COX7B2: variants seen among roughly 807,000 people sequenced by gnomAD.
COX7B2 encodes cytochrome c oxidase subunit 7B2, also known as cytochrome c oxidase subunit 7B2, mitochondrial.
For missense variants in COX7B2, 109 were observed against 95.9 expected, an observed-to-expected ratio of 1.14 and a Z score of -0.57; for synonymous variants, 37 against 32.1, an observed-to-expected ratio of 1.15 and a Z score of -0.51.
chr4:46,794,770 A>C (rs559929673), intron 2 of COX7B2, among the ~76,000 whole-genome samples: 4 of 152,308 alleles, frequency 2.6e-5, no homozygotes, highest in African/African-American at 9.6e-5. Context: ...ACACAGACTT[A>C]TGGTGTTGGC....
At chr4:46,808,184 C>T (rs984659730) in intron 2 of COX7B2, among the ~76,000 whole-genome samples, 1 of 151,722 alleles carries the variant, frequency 6.6e-6, no homozygotes, top group Non-Finnish European at 1.5e-5. Flanking sequence ...TTATTTGTGT[C>T]TTTTCAATCT....
chr4:46,848,932 G>A (rs1716477798), intron 1 of COX7B2, among the ~76,000 whole-genome samples: 1 of 151,860 alleles, frequency 6.6e-6, no homozygotes, highest in African/African-American at 2.4e-5. Context: ...ACATGCTCCT[G>A]TATACTTTAA....
Position 46,858,533 on chromosome 4 carries a change from A to G in COX7B2, c.-104-13519T>C, listed in dbSNP as rs1312783770. 5.3e-5 allele frequency among the ~76,000 whole-genome samples: 8 copies of G among 152,360 alleles called. No individual in the cohort carries two copies. The East Asian group carries it at 1.5e-3, about 29-fold the overall frequency. ...AGGAAAAAAAAAGAGGAGGAAAGATATAATTCTAGAGCTTTAAAATGCTGC... is the reference window on the plus strand; with the variant it reads ...AGGAAAAAAAAAGAGGAGGAAAGATGTAATTCTAGAGCTTTAAAATGCTGC... On this transcript the variant is annotated intron_variant, in intron 1 of 2. Transcript: ENST00000355591.
rs540869012 is a variant in COX7B2 at position 46,803,609 on chromosome 4, T to C, written c.-50+41351A>G. Among the ~76,000 whole-genome samples, 31 of 152,290 alleles carry C rather than the reference T, an allele frequency of 2.0e-4. 2 individuals carry two copies. In the South Asian group the frequency reaches 6.4e-3, roughly 32 times the overall value. Reference sequence around the variant, plus strand: ...TTTCCCTCCAAAAGTGTTTAGCATATATTTATAAACATGGCACATGTCTTC... The same window carrying C: ...TTTCCCTCCAAAAGTGTTTAGCATACATTTATAAACATGGCACATGTCTTC... On this transcript the variant is annotated intron_variant, in intron 2 of 2. Coordinates refer to ENST00000355591, the MANE Select transcript of COX7B2 (RefSeq NM_130902.3).
rs533859624 is a variant in COX7B2, at chr4:46,841,059, G to A, written c.-50+3901C>T. On this transcript the variant is annotated intron_variant, in intron 2 of 2. Transcript: ENST00000355591. ...CAAAGCACAACATTCAAGGAGTGAG[G>A]ACAATGGCAGGCAGTGAGAAAACTA... Among the ~76,000 whole-genome samples, 7 of 152,040 alleles carry A rather than the reference G, an allele frequency of 4.6e-5. No homozygotes were observed. In the South Asian group the frequency reaches 1.4e-3, roughly 31 times the overall value.
chr4:46,904,947 A>G (rs946945999), intron 1 of COX7B2, among the ~76,000 whole-genome samples: 3 of 152,208 alleles, frequency 2.0e-5, no homozygotes, highest in Non-Finnish European at 4.4e-5. Flanking sequence ...GGTAGAACCT[A>G]CTAAATGGAT....
chr4:46,854,277 A>G (rs1337269240), intron 1 of COX7B2, among the ~76,000 whole-genome samples: 2 of 152,186 alleles, frequency 1.3e-5, no homozygotes, highest in African/African-American at 4.8e-5. Context: ...GCAATAGAAT[A>G]AGTATTCCTC....
intron 2 of COX7B2, among the ~76,000 whole-genome samples, chr4:46,755,768 T>C (rs894346937): frequency 6.6e-6 from 1 of 151,948 alleles, no homozygotes; most frequent in South Asian, 2.1e-4. Context: ...AGGTGAAAGA[T>C]CTCTATAAGG....
intron 2 of COX7B2, among the ~76,000 whole-genome samples, chr4:46,776,982 T>C (rs1717187016): frequency 6.6e-6 from 1 of 152,172 alleles, no homozygotes; most frequent in Non-Finnish European, 1.5e-5. Context: ...AACATCTCAA[T>C]TTCTTCTTAC....
intron 2 of COX7B2, among the ~76,000 whole-genome samples, chr4:46,822,335 A>G (rs537421524): frequency 1.3e-5 from 2 of 152,204 alleles, no homozygotes; most frequent in African/African-American, 4.8e-5. Flanking sequence ...TTATAGCCGT[A>G]AGACTCCAGA....
intron 1 of COX7B2, among the ~76,000 whole-genome samples, chr4:46,885,958 C>T (rs1327472730): frequency 6.6e-6 from 1 of 152,056 alleles, no homozygotes; most frequent in East Asian, 1.9e-4. Flanking sequence ...TGTATTGAAT[C>T]AACTATTGAA....
intron 1 of COX7B2, among the ~76,000 whole-genome samples, chr4:46,892,085 A>G (rs1042651960): frequency 2.0e-5 from 3 of 152,282 alleles, no homozygotes; most frequent in Non-Finnish European, 2.9e-5. Flanking sequence ...CAACATACCA[A>G]TGTCAAAGAA....
chr4:46,849,085 C>T (rs1419648443), intron 1 of COX7B2, among the ~76,000 whole-genome samples: 1 of 151,992 alleles, frequency 6.6e-6, no homozygotes, highest in Non-Finnish European at 1.5e-5. Flanking sequence ...TATTTTAAAT[C>T]CATAGTTATT....
intron 2 of COX7B2, among the ~76,000 whole-genome samples, chr4:46,818,461 G>C (rs764774157): frequency 2.0e-5 from 3 of 151,628 alleles, no homozygotes; most frequent in Non-Finnish European, 4.4e-5. Flanking sequence ...GTGAAACCCC[G>C]TCTCTACTAA....
Position 46,906,075 on chromosome 4 carries a change from C to T in COX7B2, c.-105+3085G>A, listed in dbSNP as rs999641346. 2.3e-4 allele frequency among the ~76,000 whole-genome samples: 35 copies of T among 151,718 alleles called. 1 individual carries two copies. Among genetic ancestry groups the T allele is most frequent in the Admixed American group, 3.9e-4 (6 of 15,222 alleles). ...CGATCTCCTGACCTCATGATCCACC[C>T]GCCTCGGCCTCCCAAAGTGCTGGGG... is the stretch of plus-strand genomic sequence containing the variant. On this transcript the variant is annotated intron_variant, in intron 1 of 2. Transcript: ENST00000355591.
intron 2 of COX7B2, among the ~76,000 whole-genome samples, chr4:46,791,380 C>T (rs1271344838): frequency 1.3e-5 from 2 of 152,102 alleles, no homozygotes; most frequent in Admixed American, 6.5e-5. Flanking sequence ...CTAATGTAAA[C>T]AAATATTATT....
At chr4:46,855,939 T>A (rs1716986011) in intron 1 of COX7B2, among the ~76,000 whole-genome samples, 1 of 152,150 alleles carries the variant, frequency 6.6e-6, no homozygotes, top group East Asian at 1.9e-4. Context: ...TAAGACAAAT[T>A]AATATTTATT....
chr4:46,846,019 C>T (rs1186462869), intron 1 of COX7B2, among the ~76,000 whole-genome samples: 1 of 151,930 alleles, frequency 6.6e-6, no homozygotes, highest in African/African-American at 2.4e-5. Flanking sequence ...AGAGGGCTAC[C>T]AAGTAACCTA....
intron 2 of COX7B2, among the ~76,000 whole-genome samples, chr4:46,758,269 TA>T (rs369554673): frequency 0.33 from 49,640 of 151,692 alleles, 8,335 homozygotes; most frequent in South Asian, 0.47. Flanking sequence ...TCTAATGAGG[TA>T]TAGAGCTAAA....
Sources: gnomAD v4.1 joint callset for allele counts (sites outside exome capture counted in the v4.1 genomes callset) on GRCh38, gnomAD v4.1.1 for gene constraint, MANE v1.5 for transcripts, NCBI Gene and HGNC (gene_info 2026-07-23, HGNC 2026-07-21) for gene names.